Variants in ADAM22 observed in about 807,000 individuals in gnomAD.
ADAM22 encodes the protein ADAM metallopeptidase domain 22, also known as disintegrin and metalloproteinase domain-containing protein 22.
In ADAM22, 65 loss-of-function variants were observed where a neutral mutation model predicts 144.6. The ratio of observed to expected loss-of-function variants is 0.45; its 90% confidence interval spans 0.37 to 0.55. The LOEUF (loss-of-function observed/expected upper bound fraction) is 0.55, where lower values mean the gene tolerates loss of function less well. ADAM22 is among the 20% of genes least tolerant of loss of function. The pLI, the probability that ADAM22 is intolerant of heterozygous loss-of-function variation, is 0.00. For missense variants in ADAM22, 974 were observed against 1,184.9 expected (o/e 0.82, Z 2.61); for synonymous variants, 391 against 412.6 (o/e 0.95, Z 0.63).
chr7:87,948,069 C>G (rs1844144078), intron 2 of ADAM22, among the ~76,000 whole-genome samples: 1 of 152,118 alleles, frequency 6.6e-6, no homozygotes, highest in South Asian at 2.1e-4. Context: ...TTTCATCATC[C>G]CTCAATATAG....
intron 3 of ADAM22, among the ~76,000 whole-genome samples, chr7:88,037,756 C>T (rs76317380): frequency 0.029 from 4,370 of 152,070 alleles, 93 homozygotes; most frequent in South Asian, 0.066. Flanking sequence ...ACAATTATAC[C>T]GGCTTTCTAT....
At chr7:88,018,512 A>G (rs1797045475) in intron 3 of ADAM22, among the ~76,000 whole-genome samples, 1 of 152,218 alleles carries the variant, frequency 6.6e-6, no homozygotes, top group African/African-American at 2.4e-5. Flanking sequence ...AGGTGTATAA[A>G]AAACAAAGAA....
intron 4 of ADAM22, among the ~76,000 whole-genome samples, chr7:88,087,551 G>A (rs568464008): frequency 6.6e-6 from 1 of 152,200 alleles, no homozygotes; most frequent in East Asian, 1.9e-4. Context: ...TGTAGATGGG[G>A]CAGGGAACAG....
chr7:88,118,458 T>C (rs1828363004), intron 7 of ADAM22, among the ~76,000 whole-genome samples: 2 of 152,108 alleles, frequency 1.3e-5, no homozygotes. Flanking sequence ...TTCAGTGATC[T>C]TATAAAACTT....
intron 2 of ADAM22, among the ~76,000 whole-genome samples, chr7:87,964,397 G>C (rs184913683): frequency 2.0e-5 from 3 of 152,074 alleles, no homozygotes; most frequent in Non-Finnish European, 2.9e-5. Flanking sequence ...TTTTAAAAAG[G>C]CATTTCACTT....
intron 3 of ADAM22, among the ~76,000 whole-genome samples, chr7:87,993,365 C>A (rs1235652723): frequency 6.6e-6 from 1 of 152,132 alleles, no homozygotes. Context: ...TATTATTCAA[C>A]CCTAATGATA....
At chr7:88,143,274 C>A in intron 15 of ADAM22, 149 bp downstream of exon 15, 6 of 473,736 alleles carry the variant, frequency 1.3e-5, no homozygotes, top group Non-Finnish European at 2.2e-5. Flanking sequence ...TCTGCATATT[C>A]AAAGTCAGCT....
chr7:87,957,512 C>T (rs1185115163), intron 2 of ADAM22, among the ~76,000 whole-genome samples: 1 of 152,030 alleles, frequency 6.6e-6, no homozygotes, highest in Non-Finnish European at 1.5e-5. Flanking sequence ...TTCTGTTTTC[C>T]CCTTCCTTCT....
At chr7:87,968,457 G>A (rs539073763) in intron 2 of ADAM22, among the ~76,000 whole-genome samples, 2 of 152,266 alleles carry the variant, frequency 1.3e-5, no homozygotes, top group East Asian at 3.9e-4. Context: ...AGAATTGCTT[G>A]AGCCCAGGAG....
chr7:88,083,499 T>C (rs1004441611), intron 4 of ADAM22, among the ~76,000 whole-genome samples: 5 of 151,468 alleles, frequency 3.3e-5, no homozygotes, highest in Non-Finnish European at 5.9e-5. Flanking sequence ...AAAAAAAGAA[T>C]GCTATAATGA....
At chr7:88,005,255 A>T (rs1445432507) in intron 3 of ADAM22, among the ~76,000 whole-genome samples, 1 of 152,174 alleles carries the variant, frequency 6.6e-6, no homozygotes, top group Non-Finnish European at 1.5e-5. Context: ...GATTTGGAAC[A>T]GGTGCAACTC....
chr7:88,130,838 C>T (rs1831588751), intron 10 of ADAM22, among the ~76,000 whole-genome samples: 1 of 152,124 alleles, frequency 6.6e-6, no homozygotes, highest in African/African-American at 2.4e-5. Context: ...ACTATACCTC[C>T]ATACTTCCCA....
chr7:88,069,830 A>G (rs1812271579), intron 3 of ADAM22, among the ~76,000 whole-genome samples: 1 of 152,152 alleles, frequency 6.6e-6, no homozygotes, highest in African/African-American at 2.4e-5. Context: ...AGTGGGAAAT[A>G]GCTACTCGGC....
At chr7:88,048,670 T>C (rs1028665209) in intron 3 of ADAM22, among the ~76,000 whole-genome samples, 10 of 152,148 alleles carry the variant, frequency 6.6e-5, no homozygotes, top group Non-Finnish European at 1.5e-4. Context: ...CTTTTCTTAT[T>C]AATTTATACA....
At chr7:88,181,051 C>T (rs1374877678) in intron 27 of ADAM22, among the ~76,000 whole-genome samples, 1 of 152,004 alleles carries the variant, frequency 6.6e-6, no homozygotes, top group African/African-American at 2.4e-5. Context: ...TAAATGTTAA[C>T]CAGGTTCACT....
At chr7:87,954,030 G>C (rs946066718) in intron 2 of ADAM22, among the ~76,000 whole-genome samples, 15 of 152,028 alleles carry the variant, frequency 9.9e-5, no homozygotes, top group African/African-American at 3.1e-4. Flanking sequence ...TTGAGCCTGT[G>C]TGTGTCTCTG....
chr7:88,113,691 AATAAATAAATAAAT>A (rs1469802152), intron 5 of ADAM22, among the ~76,000 whole-genome samples: 9 of 56,984 alleles, frequency 1.6e-4, no homozygotes, highest in African/African-American at 6.8e-4. Flanking sequence ...ATATATTATA[AATAAATAAATAAAT>A]ATATATATAT....
At chr7:88,028,521 CTGA>C (rs1799530900) in intron 3 of ADAM22, among the ~76,000 whole-genome samples, 1 of 151,962 alleles carries the variant, frequency 6.6e-6, no homozygotes, top group Non-Finnish European at 1.5e-5. Flanking sequence ...CAGATTAAGT[CTGA>C]TGTTTCCTTG....
chr7:87,935,040 A>T lies in ADAM22; in HGVS notation c.100A>T (p.Met34Leu), dbSNP rs1840880541. ...RCGQAGDASL[M>L]ELEKRKENRF... ...CCTGCCTGGAGGAGACGCCTCATTG[A>T]TGGAGCTAGAGAAGAGGAAGGAAAA... Residue 34 changes from methionine to leucine, a missense_variant, in exon 2 of 32, where the codon ATG (methionine) becomes TTG (leucine). Physicochemically the swap from Met to Leu is conservative, Grantham distance 15 (BLOSUM62 2). Around this residue, in one of 2 missense-constraint regions of ADAM22, gnomAD observed 240 missense variants for 234.3 expected, o/e 1.02. Transcript: ENST00000413139. 1.9e-6 allele frequency: 3 copies of T among 1,614,076 alleles called. No homozygotes were observed. The highest frequency in any genetic ancestry group is 2.7e-5 in the African/African-American group (2 of 75,020).
Sources: gnomAD v4.1 joint callset for allele counts (sites outside exome capture counted in the v4.1 genomes callset) on GRCh38, gnomAD v4.1.1 for gene constraint, gnomAD v4.1.1 regional missense constraint, MANE v1.5 for transcripts, NCBI Gene and HGNC (gene_info 2026-07-23, HGNC 2026-07-21) for gene names.